The following IL31RA variants were observed in gnomAD, a reference collection of about 807,000 sequenced individuals.
The protein encoded by IL31RA is interleukin-31 receptor subunit alpha.
A neutral mutation model predicts 83.7 loss-of-function variants in IL31RA; 66 were observed. The observed-to-expected ratio is 0.79, with a 90% CI of 0.65 to 0.97. IL31RA has a LOEUF of 0.97. Ranked by LOEUF, IL31RA falls within the 50% of genes least tolerant of loss-of-function variation. The probability of loss-of-function intolerance (pLI) is 0.00; values close to 1 mark genes in which losing one functional copy is unlikely to be tolerated. For missense variants in IL31RA, 798 were observed against 919.4 expected, an observed-to-expected ratio of 0.87 and a Z score of 1.71; for synonymous variants, 325 against 329.0, an observed-to-expected ratio of 0.99 and a Z score of 0.13.
intron 1 of IL31RA, among the ~76,000 whole-genome samples, chr5:55,858,382 G>A (rs1745475242): frequency 6.6e-6 from 1 of 152,122 alleles, no homozygotes; most frequent in Non-Finnish European, 1.5e-5. Context: ...GACACAAAAA[G>A]AATGTTCTTA....
At chr5:55,891,385 C>T (rs1747981983) in intron 6 of IL31RA, among the ~76,000 whole-genome samples, 1 of 152,192 alleles carries the variant, frequency 6.6e-6, no homozygotes. Flanking sequence ...TCTTTCATAG[C>T]TCTGGAAGTC....
At chr5:55,866,361 CA>C (rs1200003710) in intron 2 of IL31RA, among the ~76,000 whole-genome samples, 38 of 151,976 alleles carry the variant, frequency 2.5e-4, no homozygotes, top group Admixed American at 8.5e-4. Flanking sequence ...TTTCCATGGA[CA>C]GGGGGTGGGG....
In IL31RA at chr5:55,921,551, A is replaced by G. The variant is rs1358077791; in HGVS notation, c.*4431A>G. 3.3e-5 allele frequency among the ~76,000 whole-genome samples: 5 copies of G among 152,192 alleles called. No homozygotes were observed. Among genetic ancestry groups the G allele is most frequent in the Non-Finnish European group, 5.9e-5 (4 of 68,046 alleles). On this transcript the variant is annotated 3_prime_UTR_variant, in exon 15 of 15. Coordinates refer to ENST00000652347, the MANE Select transcript of IL31RA (RefSeq NM_139017.7). ...CTGGTCAGAATTTTATGGTTGTCACATTTTGCGTGACTGTGTCCCATCAAA... is the reference window on the plus strand; with the variant it reads ...CTGGTCAGAATTTTATGGTTGTCACGTTTTGCGTGACTGTGTCCCATCAAA...
Position 55,917,402 on chromosome 5 carries a change from T to G in IL31RA, c.*282T>G. The stretch of plus-strand genomic sequence containing the variant: ...CCGAGGCCTCCTGACAGATTGACTT[T>G]GAAGGAAGGGCCCAGGTTCTGAGCC... On this transcript the variant is annotated 3_prime_UTR_variant, in exon 15 of 15. Transcript: ENST00000652347. The G allele has an allele frequency of 8.7e-7, 1 of 1,152,976 alleles. No individual in the cohort carries two copies. The highest frequency in any genetic ancestry group is 1.1e-6 in the Non-Finnish European group (1 of 890,716). 71.4% of individuals were successfully genotyped at this position (1,152,976 alleles called of 1,614,324 possible). A position where few individuals can be genotyped will look rare whatever the true frequency, so the allele number is the denominator to read the frequency against.
At position 55,868,835 on chromosome 5, in the gene IL31RA, A is replaced by C; in HGVS notation, c.199A>C (p.Arg67=). 6.2e-7 allele frequency: 1 copy of C among 1,611,166 alleles called. No individual in the cohort carries two copies. Among genetic ancestry groups the C allele is most frequent in the South Asian group, 1.1e-5 (1 of 91,026 alleles). ...PENISCVYYY[R]KNLTCTWSPG... ...GAACATTTCCTGTGTCTACTACTAT[A>C]GGAAAAATTTAACCTGCACTTGGAG... The change falls in exon 3 of 15, where the codon AGG becomes CGG. Residue 67 remains arginine (R), a synonymous_variant. Transcript: ENST00000652347.
chr5:55,856,502 G>T (rs947826655), intron 1 of IL31RA, among the ~76,000 whole-genome samples: 9 of 152,232 alleles, frequency 5.9e-5, no homozygotes, highest in African/African-American at 2.2e-4. Context: ...TTATGGCCCA[G>T]ATTTGGGGAG....
chr5:55,882,554 A>G (rs1350362897), intron 4 of IL31RA, among the ~76,000 whole-genome samples: 1 of 152,254 alleles, frequency 6.6e-6, no homozygotes, highest in Non-Finnish European at 1.5e-5. Flanking sequence ...ATGTTGTATA[A>G]TAAGCATATG....
At chr5:55,909,499 A>T (rs761568380) in intron 11 of IL31RA, among the ~76,000 whole-genome samples, 3 of 152,186 alleles carry the variant, frequency 2.0e-5, no homozygotes, top group Non-Finnish European at 4.4e-5. Flanking sequence ...AGTTTTCCAC[A>T]GTGACTACTC....
At chr5:55,876,396 T>C (rs6868973) in intron 4 of IL31RA, among the ~76,000 whole-genome samples, 95,599 of 152,008 alleles carry the variant, frequency 0.63, 31,679 homozygotes, top group African/African-American at 0.84. Flanking sequence ...CAGAGCAAGA[T>C]TCCATCTCAA....
chr5:55,859,460 T>C (rs374848059), intron 1 of IL31RA, 49 bp from the exon 2 acceptor site: 1 of 1,323,324 alleles, frequency 7.6e-7, no homozygotes, highest in Non-Finnish European at 1.1e-6. Context: ...AATAGAGCTT[T>C]TGAAAAGAGA....
At chr5:55,883,508 A>AT (rs1747393293) in intron 5 of IL31RA, among the ~76,000 whole-genome samples, 1 of 152,070 alleles carries the variant, frequency 6.6e-6, no homozygotes, top group South Asian at 2.1e-4. Flanking sequence ...TGGCCATTTT[A>AT]TTTTTTATTT....
chr5:55,867,097 GTT>G (rs1489985699), intron 2 of IL31RA, among the ~76,000 whole-genome samples: 1,029 of 30,894 alleles, frequency 0.033, 13 homozygotes, highest in Middle Eastern at 0.13. Context: ...GTGTGTGTGT[GTT>G]TGTGTGTGTG....
Position 55,917,807 on chromosome 5 carries a change from G to C in IL31RA, c.*687G>C, listed in dbSNP as rs1437961589. On this transcript the variant is annotated 3_prime_UTR_variant, in exon 15 of 15. Transcript: ENST00000652347. ...GGGAGGGCCCTGGGGAATGTATGCTGCCGGGCGCAGCTCTGTCCAGTCTCC... is the reference window on the plus strand; with the variant it reads ...GGGAGGGCCCTGGGGAATGTATGCTCCCGGGCGCAGCTCTGTCCAGTCTCC... Among the ~76,000 whole-genome samples the C allele has an allele frequency of 1.3e-5, 2 of 152,178 alleles. No homozygotes were observed. Among genetic ancestry groups the C allele is most frequent in the African/African-American group, 4.8e-5 (2 of 41,436 alleles).
rs745591164 is a variant in IL31RA, at chr5:55,869,919, CT to C, written c.272+1012del. Reference sequence around the variant, plus strand: ...TGATTCCAAATTCTTTATTTTTAAGCTAAATCTCACATTGCAAGGGAAGTCC... The same window carrying C: ...TGATTCCAAATTCTTTATTTTTAAGCAAATCTCACATTGCAAGGGAAGTCC... On this transcript the variant is annotated intron_variant, in intron 3 of 14. Coordinates refer to ENST00000652347, the MANE Select transcript of IL31RA (RefSeq NM_139017.7). Among the ~76,000 whole-genome samples, 16 of 152,174 alleles carry C rather than the reference CT, an allele frequency of 1.1e-4. No individual in the cohort carries two copies. The South Asian group carries it at 2.7e-3, about 26-fold the overall frequency.
chr5:55,863,643 A>G (rs945891792), intron 2 of IL31RA, among the ~76,000 whole-genome samples: 1 of 152,254 alleles, frequency 6.6e-6, no homozygotes, highest in Non-Finnish European at 1.5e-5. Flanking sequence ...TGTAACACCA[A>G]TATCAAGAGA....
chr5:55,881,896 A>G (rs988923017), intron 4 of IL31RA, among the ~76,000 whole-genome samples: 21 of 151,684 alleles, frequency 1.4e-4, no homozygotes, highest in Non-Finnish European at 2.6e-4. Context: ...TATTTTTAGT[A>G]GAGATGGGGT....
chr5:55,840,093 G>T, the IL31RA span: 1 of 334,242 alleles, frequency 3.0e-6, no homozygotes, highest in Non-Finnish European at 5.8e-6. Context: ...AAAAGAAATG[G>T]CCCACTTCTT....
intron 1 of IL31RA, among the ~76,000 whole-genome samples, chr5:55,855,424 G>C (rs1745298912): frequency 6.6e-6 from 1 of 152,130 alleles, no homozygotes. Context: ...TACTGCAGGA[G>C]ATAGTGTTTG....
chr5:55,911,483 A>G (rs565746914), intron 12 of IL31RA, among the ~76,000 whole-genome samples: 82 of 152,212 alleles, frequency 5.4e-4, no homozygotes, highest in African/African-American at 1.9e-3. Flanking sequence ...TAACCTCATC[A>G]TTTGTGGAGG....
Sources: allele counts gnomAD v4.1 joint callset (sites outside exome capture counted in the v4.1 genomes callset), GRCh38; gene constraint gnomAD v4.1.1; transcripts MANE v1.5; gene names NCBI Gene and HGNC (gene_info 2026-07-23, HGNC 2026-07-21).